The following GTPBP2 variants were observed in gnomAD, a reference collection of about 807,000 sequenced individuals.
The protein encoded by GTPBP2 is GTP binding protein 2.
GTPBP2 carries 32 observed loss-of-function variants against 63.0 expected under a neutral mutation model. The observed-to-expected ratio is 0.51, with a 90% CI of 0.38 to 0.68. The LOEUF is 0.68. Ranked by LOEUF, GTPBP2 falls within the 30% of genes least tolerant of loss-of-function variation. The probability of loss-of-function intolerance (pLI) is 0.00; values close to 1 mark genes in which losing one functional copy is unlikely to be tolerated. For missense variants in GTPBP2, 492 were observed against 796.9 expected (o/e 0.62, Z 4.61); for synonymous variants, 310 against 322.6 (o/e 0.96, Z 0.42).
upstream of GTPBP2, chr6:43,629,443 G>C (rs1769751144): frequency 1.1e-5 from 6 of 564,866 alleles, no homozygotes; most frequent in Non-Finnish European, 1.9e-5. Flanking sequence ...GGGAGTCGTC[G>C]GAGGCGTGGG....
chr6:43,621,243 G>T lies in GTPBP2; in HGVS notation c.*371C>A. The T allele has an allele frequency of 2.4e-6, 1 of 414,048 alleles. No homozygotes were observed. The highest frequency in any genetic ancestry group is 4.7e-6 in the Non-Finnish European group (1 of 214,164). 25.6% of individuals were successfully genotyped at this position (414,048 alleles called of 1,614,324 possible). A position where few individuals can be genotyped will look rare whatever the true frequency, so the allele number is the denominator to read the frequency against. On this transcript the variant is annotated 3_prime_UTR_variant, in exon 12 of 12. Coordinates refer to ENST00000307126, the MANE Select transcript of GTPBP2 (RefSeq NM_019096.5). Reference sequence around the variant, plus strand: ...GCTTTTGAGGGCTACCCCCTGTTGTGACCATTCCTGAAGTGCAGAGACCAC... The same window carrying T: ...GCTTTTGAGGGCTACCCCCTGTTGTTACCATTCCTGAAGTGCAGAGACCAC...
chr6:43,622,002 C>A lies in GTPBP2; in HGVS notation c.1632+1G>T. The A allele has an allele frequency of 1.2e-6, 2 of 1,614,138 alleles. No individual in the cohort carries two copies. The highest frequency in any genetic ancestry group is 1.7e-6 in the Non-Finnish European group (2 of 1,179,948). On this transcript the variant is annotated splice_donor_variant, in intron 11 of 11. Transcript: ENST00000307126. LOFTEE classifies it high-confidence loss of function. The surrounding 1 kb of genome is among the most constrained non-coding windows in gnomAD (Gnocchi z 5.4). ...GAAATGGAAGGCCAGGTCCCTCTCA[C>A]CTTGGCATGGATCTTTTCCACCACT...
rs373885962 is a variant in GTPBP2, at chr6:43,625,877, G to A, written c.399-13C>T. 1 of 1,591,460 alleles carries A rather than the reference G, an allele frequency of 6.3e-7. No homozygotes were observed. On this transcript the variant is annotated splice_polypyrimidine_tract_variant and intron_variant, in intron 3 of 11. Coordinates refer to ENST00000307126, the MANE Select transcript of GTPBP2 (RefSeq NM_019096.5). This position sits in a 1 kb window ranked among gnomAD's most constrained non-coding sequence, Gnocchi z 5.1. The stretch of plus-strand genomic sequence containing the variant: ...GTCTGCCCCAACCCTGTCACAGCAA[G>A]GCCACAGCTGCCATATCTCACCTGT...
In GTPBP2 at chr6:43,629,137, A is replaced by T; in HGVS notation, c.26T>A (p.Phe9Tyr). 6.9e-7 allele frequency: 1 copy of T among 1,457,582 alleles called. No homozygotes were observed. The highest frequency in any genetic ancestry group is 2.4e-4 in the Middle Eastern group (1 of 4,210). The allele number at this position is 1,457,582 out of a possible 1,614,324, so 90.3% of individuals were successfully genotyped here. Residue 9 changes from phenylalanine to tyrosine, a missense_variant, in exon 1 of 12, where the codon TTC becomes TAC. By Grantham distance (22) the Phe-to-Tyr change is conservative. Coordinates refer to ENST00000307126, the MANE Select transcript of GTPBP2 (RefSeq NM_019096.5). ...CCCTCCGGGCCGGCAGCAGCCGCCG[A>T]ACAGCTCCGATACCCGCGAGTCCAT... MDSRVSEL[F>Y]GGCCRPGGGP... is the part of the protein sequence containing the mutation.
Position 43,625,194 on chromosome 6 carries a change from G to A in GTPBP2, c.706-132C>T. 9.6e-7 allele frequency: 1 copy of A among 1,038,102 alleles called. No individual in the cohort carries two copies. The highest frequency in any genetic ancestry group is 1.5e-5 in the South Asian group (1 of 66,726). 64.3% of individuals were successfully genotyped at this position (1,038,102 alleles called of 1,614,324 possible). A position where few individuals can be genotyped will look rare whatever the true frequency, so the allele number is the denominator to read the frequency against. Reference sequence around the variant, plus strand: ...ACCCCATTTTTTATTTAATTTAGTTGATTCCCCATTGATTTCCTAAGAGGG... The same window carrying A: ...ACCCCATTTTTTATTTAATTTAGTTAATTCCCCATTGATTTCCTAAGAGGG... On this transcript the variant is annotated intron_variant, in intron 5 of 11. Transcript: ENST00000307126. The surrounding 1 kb of genome is among the most constrained non-coding windows in gnomAD (Gnocchi z 5.1).
chr6:43,625,151 C>A lies in GTPBP2; in HGVS notation c.706-89G>T. The A allele has an allele frequency of 7.8e-7, 1 of 1,277,590 alleles. No homozygotes were observed. The highest frequency in any genetic ancestry group is 1.3e-5 in the South Asian group (1 of 75,452). 79.1% of individuals were successfully genotyped at this position (1,277,590 alleles called of 1,614,324 possible). A position where few individuals can be genotyped will look rare whatever the true frequency, so the allele number is the denominator to read the frequency against. ...AGGACCTAAACCATTCCCTGGGTGACCCTGCCTCTTAATCTTGACCCCATT... is the reference window on the plus strand; with the variant it reads ...AGGACCTAAACCATTCCCTGGGTGAACCTGCCTCTTAATCTTGACCCCATT... On this transcript the variant is annotated intron_variant, in intron 5 of 11. Transcript: ENST00000307126. The surrounding 1 kb of genome is among the most constrained non-coding windows in gnomAD (Gnocchi z 5.1).
intron 1 of GTPBP2, among the ~76,000 whole-genome samples, chr6:43,627,755 A>G (rs906409845): frequency 3.9e-5 from 6 of 152,136 alleles, no homozygotes; most frequent in African/African-American, 1.4e-4. Flanking sequence ...GCCTCTCTGG[A>G]TATTTTAGTT....
chr6:43,621,297 T>C lies in GTPBP2; in HGVS notation c.*317A>G, dbSNP rs1209106221. 1.4e-6 allele frequency: 1 copy of C among 696,242 alleles called. No homozygotes were observed. Among genetic ancestry groups the C allele is most frequent in the Admixed American group, 2.3e-5 (1 of 42,876 alleles). 43.1% of individuals were successfully genotyped at this position (696,242 alleles called of 1,614,324 possible). A position where few individuals can be genotyped will look rare whatever the true frequency, so the allele number is the denominator to read the frequency against. ...AGCAAAACATGCCCAGTCTTAGTAG[T>C]GGGGACGAAGAATTGATGAGTGGAT... On this transcript the variant is annotated 3_prime_UTR_variant, in exon 12 of 12. Transcript: ENST00000307126.
chr6:43,626,485 G>T lies in GTPBP2; in HGVS notation c.214-75C>A. The T allele has an allele frequency of 1.7e-6, 2 of 1,188,972 alleles. No homozygotes were observed. Among genetic ancestry groups the T allele is most frequent in the Non-Finnish European group, 1.2e-6 (1 of 814,268 alleles). The allele number at this position is 1,188,972 out of a possible 1,614,324, so 73.7% of individuals were successfully genotyped here. On this transcript the variant is annotated intron_variant, in intron 2 of 11. Coordinates refer to ENST00000307126, the MANE Select transcript of GTPBP2 (RefSeq NM_019096.5). This position sits in a 1 kb window ranked among gnomAD's most constrained non-coding sequence, Gnocchi z 4.0. ...AACCTACATGGTCCCCACCTGTTCT[G>T]CTGCAAGGACCAGGACTTTCTCTTT... is the stretch of plus-strand genomic sequence containing the variant.
intron 1 of GTPBP2, among the ~76,000 whole-genome samples, chr6:43,627,672 ACCTGAG>A (rs756555315): frequency 1.3e-5 from 2 of 152,000 alleles, no homozygotes; most frequent in African/African-American, 2.4e-5. Flanking sequence ...GCACCCTGTT[ACCTGAG>A]GCTTCCCCTC....
At position 43,629,177 on chromosome 6, in the gene GTPBP2, A is replaced by G; in HGVS notation, c.-15T>C. On this transcript the variant is annotated 5_prime_UTR_variant, in exon 1 of 12. Coordinates refer to ENST00000307126, the MANE Select transcript of GTPBP2 (RefSeq NM_019096.5). Reference sequence around the variant, plus strand: ...CGCGAGTCCATCCGCCGCTGCCGCCAGCCCCCCGCCCGGCCCCTCCCCCGA... The same window carrying G: ...CGCGAGTCCATCCGCCGCTGCCGCCGGCCCCCCGCCCGGCCCCTCCCCCGA... The G allele has an allele frequency of 3.2e-6, 4 of 1,260,464 alleles. No homozygotes were observed. The highest frequency in any genetic ancestry group is 3.1e-4 in the Middle Eastern group (1 of 3,184). 78.1% of individuals were successfully genotyped at this position (1,260,464 alleles called of 1,614,324 possible). A position where few individuals can be genotyped will look rare whatever the true frequency, so the allele number is the denominator to read the frequency against.
In GTPBP2 at chr6:43,625,628, G is replaced by T; in HGVS notation, c.508-68C>A. ...CCTCTAACTGAAGACTGGGTCAAGG[G>T]CAGTGACGCTCCCTAGGGAGCAAGT... On this transcript the variant is annotated intron_variant, in intron 4 of 11. Transcript: ENST00000307126. The surrounding 1 kb of genome is among the most constrained non-coding windows in gnomAD (Gnocchi z 5.1). 1 of 1,444,120 alleles carries T rather than the reference G, an allele frequency of 6.9e-7. No homozygotes were observed. Among genetic ancestry groups the T allele is most frequent in the African/African-American group, 1.4e-5 (1 of 71,620 alleles). 89.5% of individuals were successfully genotyped at this position (1,444,120 alleles called of 1,614,324 possible). A position where few individuals can be genotyped will look rare whatever the true frequency, so the allele number is the denominator to read the frequency against.
Position 43,622,195 on chromosome 6 carries a change from G to C in GTPBP2, c.1468-28C>G. The C allele has an allele frequency of 6.3e-7, 1 of 1,595,418 alleles. No individual in the cohort carries two copies. The highest frequency in any genetic ancestry group is 8.6e-7 in the Non-Finnish European group (1 of 1,166,346). ...GGGGAGGAACAGACCCCAGGCCCAG[G>C]AAGGGCAGCTCTAACATCAGACTCT... is the stretch of plus-strand genomic sequence containing the variant. On this transcript the variant is annotated intron_variant, in intron 10 of 11. Transcript: ENST00000307126. The surrounding 1 kb of genome is among the most constrained non-coding windows in gnomAD (Gnocchi z 5.4).
At position 43,625,999 on chromosome 6, in the gene GTPBP2, T is replaced by C; in HGVS notation, c.399-135A>G. 1 of 743,418 alleles carries C rather than the reference T, an allele frequency of 1.3e-6. No individual in the cohort carries two copies. Among genetic ancestry groups the C allele is most frequent in the South Asian group, 1.6e-5 (1 of 64,356 alleles). 46.1% of individuals were successfully genotyped at this position (743,418 alleles called of 1,614,324 possible). A position where few individuals can be genotyped will look rare whatever the true frequency, so the allele number is the denominator to read the frequency against. On this transcript the variant is annotated intron_variant, in intron 3 of 11. Transcript: ENST00000307126. This position sits in a 1 kb window ranked among gnomAD's most constrained non-coding sequence, Gnocchi z 5.1. ...GTGCACTTCCTACCACCCTCCAATC[T>C]ATTCCTCATTCACAGTTCCCTTTAA... is the stretch of plus-strand genomic sequence containing the variant.
rs1769229965 is a variant in GTPBP2 at position 43,625,525 on chromosome 6, C to T, written c.543G>A (p.Val181=). The T allele has an allele frequency of 1.9e-6, 3 of 1,614,060 alleles. No homozygotes were observed. Among genetic ancestry groups the T allele is most frequent in the Non-Finnish European group, 2.5e-6 (3 of 1,179,924 alleles). The change falls in exon 5 of 12, where the codon GTG becomes GTA. Residue 181 remains valine (V), a synonymous_variant. Coordinates refer to ENST00000307126, the MANE Select transcript of GTPBP2 (RefSeq NM_019096.5). This position sits in a 1 kb window ranked among gnomAD's most constrained non-coding sequence, Gnocchi z 5.1. ...LDLRVAVLGN[V]DSGKSTLLGV... is the part of the protein sequence containing the mutation. ...CAAGCAGAGTTGACTTCCCAGAGTC[C>T]ACATTCCCCAGGACGGCCACACGGA...
In GTPBP2 at chr6:43,622,672, T is replaced by C. The variant is rs1224947454; in HGVS notation, c.1428A>G (p.Thr476=). The C allele has an allele frequency of 1.9e-6, 3 of 1,613,866 alleles. No homozygotes were observed. The highest frequency in any genetic ancestry group is 2.7e-5 in the African/African-American group (2 of 74,922). The part of the protein sequence containing the change: ...CRVLRAGQAA[T]LALGDFDRAL... ...CACGGTCAAAGTCCCCAAGCGCCAGTGTAGCAGCCTGACCAGCTCGCAGCA... is the reference window on the plus strand; with the variant it reads ...CACGGTCAAAGTCCCCAAGCGCCAGCGTAGCAGCCTGACCAGCTCGCAGCA... The change falls in exon 10 of 12, where the codon ACA becomes ACG. Residue 476 remains threonine (T), a synonymous_variant. Transcript: ENST00000307126. This position sits in a 1 kb window ranked among gnomAD's most constrained non-coding sequence, Gnocchi z 5.4.
chr6:43,624,747 C>CA lies in GTPBP2; in HGVS notation c.881-19dup. 3 of 1,609,966 alleles carry CA rather than the reference C, an allele frequency of 1.9e-6. No homozygotes were observed. Among genetic ancestry groups the CA allele is most frequent in the Non-Finnish European group, 2.5e-6 (3 of 1,176,830 alleles). On this transcript the variant is annotated intron_variant, in intron 6 of 11. Coordinates refer to ENST00000307126, the MANE Select transcript of GTPBP2 (RefSeq NM_019096.5). This position sits in a 1 kb window ranked among gnomAD's most constrained non-coding sequence, Gnocchi z 5.1. ...GGTGCCAGCTGCCTCATAAGGACAG[C>CA]AAGCAGCAGGAGAGAAGAGTGAGAA...
rs538461815 is a variant in GTPBP2 at position 43,621,136 on chromosome 6, C to T, written c.*478G>A. 2 of 323,000 alleles carry T rather than the reference C, an allele frequency of 6.2e-6. No homozygotes were observed. Among genetic ancestry groups the T allele is most frequent in the Non-Finnish European group, 1.2e-5 (2 of 161,788 alleles). 20.0% of individuals were successfully genotyped at this position (323,000 alleles called of 1,614,324 possible). A position where few individuals can be genotyped will look rare whatever the true frequency, so the allele number is the denominator to read the frequency against. On this transcript the variant is annotated 3_prime_UTR_variant, in exon 12 of 12. Coordinates refer to ENST00000307126, the MANE Select transcript of GTPBP2 (RefSeq NM_019096.5). ...TGGGCCGCCACCACCACCAGATGGC[C>T]AAGAGCAGATAACCTTTTGTCCACA...
intron 1 of GTPBP2, 129 bp from the exon 2 acceptor site, chr6:43,627,077 T>G (rs1769423342): frequency 1.2e-6 from 1 of 844,470 alleles, no homozygotes; most frequent in South Asian, 1.9e-5. Flanking sequence ...GTTAGGCAAG[T>G]GCCTGTCAAA....
Sources: gnomAD v4.1 joint callset for allele counts (sites outside exome capture counted in the v4.1 genomes callset) on GRCh38, gnomAD v4.1.1 for gene constraint, Gnocchi (gnomAD v3.1) non-coding constraint, MANE v1.5 for transcripts, NCBI Gene and HGNC (gene_info 2026-07-23, HGNC 2026-07-21) for gene names.